KCNQ1: variants seen among roughly 807,000 people sequenced by gnomAD.
KCNQ1 encodes the protein potassium voltage-gated channel subfamily Q member 1, also known as potassium voltage-gated channel subfamily KQT member 1.
KCNQ1 carries 49 observed loss-of-function variants against 72.4 expected under a neutral mutation model. The ratio of observed to expected loss-of-function variants is 0.68; its 90% CI spans 0.54 to 0.86. The LOEUF (loss-of-function observed/expected upper bound fraction) is 0.86. KCNQ1 is among the 40% of genes least tolerant of loss of function. The probability of loss-of-function intolerance (pLI) is 0.00; values close to 1 mark genes in which losing one functional copy is unlikely to be tolerated. For missense variants in KCNQ1, 790 were observed against 945.1 expected (o/e 0.84, Z 2.15); for synonymous variants, 450 against 412.6 (o/e 1.09, Z -1.10).
At chr11:2,732,855 C>T (rs1253576884) in intron 11 of KCNQ1, among the ~76,000 whole-genome samples, 1 of 152,050 alleles carries the variant, frequency 6.6e-6, no homozygotes, top group Non-Finnish European at 1.5e-5. Flanking sequence ...CCTGCCCTGG[C>T]GGTCTCCCCT....
chr11:2,625,880 T>C (rs1044652825), intron 10 of KCNQ1: 2 of 398,562 alleles, frequency 5.0e-6, no homozygotes, highest in Non-Finnish European at 8.8e-6. Flanking sequence ...TTTTGCCCAT[T>C]TTTCAGGTGC....
Position 2,777,947 on chromosome 11 carries a change from C to A in KCNQ1, c.1733-29C>A, listed in dbSNP as rs761859600. On this transcript the variant is annotated intron_variant, in intron 14 of 15. Coordinates refer to ENST00000155840, the MANE Select transcript of KCNQ1 (RefSeq NM_000218.3). ...GTCCCCGGCCCACCCCAGCACTTGG[C>A]CCTGATTTGGGTGTTTTATCCCCCA... The A allele has an allele frequency of 1.1e-5, 18 of 1,611,664 alleles. No individual in the cohort carries two copies. In the South Asian group the frequency reaches 1.8e-4, roughly 16 times the overall value.
chr11:2,651,898 G>A lies in KCNQ1; in HGVS notation c.1394-10063G>A, dbSNP rs534485759. Reference sequence around the variant, plus strand: ...CAGGCTGAGGGGGTCATAGCCGAGGGTCCCTCTGGGGCCGCTTGCTCTCCT... The same window carrying A: ...CAGGCTGAGGGGGTCATAGCCGAGGATCCCTCTGGGGCCGCTTGCTCTCCT... On this transcript the variant is annotated intron_variant, in intron 10 of 15. Coordinates refer to ENST00000155840, the MANE Select transcript of KCNQ1 (RefSeq NM_000218.3). The surrounding 1 kb of genome is among the most constrained non-coding windows in gnomAD (Gnocchi z 6.1). 2 of 398,716 alleles carry A rather than the reference G, an allele frequency of 5.0e-6. No homozygotes were observed. Among genetic ancestry groups the A allele is most frequent in the African/African-American group, 4.1e-5 (2 of 48,740 alleles). The allele number at this position is 398,716 out of a possible 1,614,324, so 24.7% of individuals were successfully genotyped here. A position where few individuals can be genotyped will look rare whatever the true frequency, so the allele number is the denominator to read the frequency against.
At chr11:2,512,257 T>A (rs1847221619) in intron 1 of KCNQ1, among the ~76,000 whole-genome samples, 1 of 152,102 alleles carries the variant, frequency 6.6e-6, no homozygotes, top group Admixed American at 6.5e-5. Context: ...GCCCTACGGG[T>A]GCTGGAGCCG....
chr11:2,630,281 T>G (rs1041085838), intron 10 of KCNQ1: 9 of 398,178 alleles, frequency 2.3e-5, no homozygotes, highest in African/African-American at 1.6e-4. Context: ...TGATATATGA[T>G]TTTTTTAATG....
In KCNQ1 at chr11:2,458,295, C is replaced by G. The variant is rs1201550072; in HGVS notation, c.386+12811C>G. Among the ~76,000 whole-genome samples, 6 of 152,270 alleles carry G rather than the reference C, an allele frequency of 3.9e-5. No individual in the cohort carries two copies. The highest frequency in any genetic ancestry group is 3.3e-4 in the Admixed American group (5 of 15,298). ...GATACTGAGGGGCAAAACCAGTGGA[C>G]TTTGATTTGCATTTCTCTAAAGATC... On this transcript the variant is annotated intron_variant, in intron 1 of 15. Transcript: ENST00000155840. The surrounding 1 kb of genome is among the most constrained non-coding windows in gnomAD (Gnocchi z 4.6).
At position 2,687,224 on chromosome 11, in the gene KCNQ1, AT is replaced by A. The variant is rs1462292623; in HGVS notation, c.1514+25147del. 2.5e-6 allele frequency: 1 copy of A among 398,360 alleles called. No individual in the cohort carries two copies. The highest frequency in any genetic ancestry group is 2.1e-5 in the African/African-American group (1 of 48,566). The allele number at this position is 398,360 out of a possible 1,614,324, so 24.7% of individuals were successfully genotyped here. A position where few individuals can be genotyped will look rare whatever the true frequency, so the allele number is the denominator to read the frequency against. ...GCATCACACTGTTGGGAAATGTGCA[AT>A]TTTCACTCAGCCAGCATCACTACCA... On this transcript the variant is annotated intron_variant, in intron 11 of 15. Transcript: ENST00000155840. This position sits in a 1 kb window ranked among gnomAD's most constrained non-coding sequence, Gnocchi z 5.0.
rs908698382 is a variant in KCNQ1 at position 2,473,438 on chromosome 11, G to C, written c.386+27954G>C. On this transcript the variant is annotated intron_variant, in intron 1 of 15. Transcript: ENST00000155840. The surrounding 1 kb of genome is among the most constrained non-coding windows in gnomAD (Gnocchi z 6.0). Reference sequence around the variant, plus strand: ...GAGCTGGTGTTTGGAGATGTGAGGGGCTGGGCCCTCCCAGGTGAGCGGGTT... The same window carrying C: ...GAGCTGGTGTTTGGAGATGTGAGGGCCTGGGCCCTCCCAGGTGAGCGGGTT... 6.6e-5 allele frequency among the ~76,000 whole-genome samples: 10 copies of C among 152,030 alleles called. No homozygotes were observed. The highest frequency in any genetic ancestry group is 2.6e-4 in the Admixed American group (4 of 15,278).
At chr11:2,597,900 T>C (rs890911456) in intron 10 of KCNQ1, among the ~76,000 whole-genome samples, 2 of 152,222 alleles carry the variant, frequency 1.3e-5, no homozygotes, top group Non-Finnish European at 2.9e-5. Flanking sequence ...AGTGATTTTA[T>C]GGTCTTCTCT....
At chr11:2,838,360 A>G (rs1054370035) in intron 15 of KCNQ1, among the ~76,000 whole-genome samples, 4 of 152,098 alleles carry the variant, frequency 2.6e-5, no homozygotes, top group Admixed American at 6.5e-5. Context: ...GCCGGGAAGC[A>G]GGCTGCAGAG....
In KCNQ1 at chr11:2,653,573, G is replaced by T. The variant is rs1849791228; in HGVS notation, c.1394-8388G>T. On this transcript the variant is annotated intron_variant, in intron 10 of 15. Transcript: ENST00000155840. The surrounding 1 kb of genome is among the most constrained non-coding windows in gnomAD (Gnocchi z 5.3). ...CTTCTCCCTTCCCGTTCCCTCTTTTGTTCTCCCTTTCCCTTGCTCTCTATC... is the reference window on the plus strand; with the variant it reads ...CTTCTCCCTTCCCGTTCCCTCTTTTTTTCTCCCTTTCCCTTGCTCTCTATC... The T allele has an allele frequency of 7.5e-6, 3 of 398,510 alleles. No homozygotes were observed. Among genetic ancestry groups the T allele is most frequent in the African/African-American group, 2.1e-5 (1 of 48,568 alleles). 24.7% of individuals were successfully genotyped at this position (398,510 alleles called of 1,614,324 possible).
In KCNQ1 at chr11:2,484,118, T is replaced by C. The variant is rs148144681; in HGVS notation, c.386+38634T>C. On this transcript the variant is annotated intron_variant, in intron 1 of 15. Transcript: ENST00000155840. The surrounding 1 kb of genome is among the most constrained non-coding windows in gnomAD (Gnocchi z 5.2). ...ATCAGCATGGTTTCATAGATACTTC[T>C]TTTGTGTTATGGGCTATAAGCCAAT... Among the ~76,000 whole-genome samples, 2 of 152,348 alleles carry C rather than the reference T, an allele frequency of 1.3e-5. No homozygotes were observed. Among genetic ancestry groups the C allele is most frequent in the Non-Finnish European group, 2.9e-5 (2 of 68,038 alleles).
intron 2 of KCNQ1, among the ~76,000 whole-genome samples, chr11:2,561,196 G>A (rs1384780413): frequency 3.3e-5 from 4 of 120,518 alleles, no homozygotes; most frequent in African/African-American, 6.4e-5. Flanking sequence ...GCGAGACTCC[G>A]TCTCAAAAAA....
chr11:2,540,003 C>A lies in KCNQ1; in HGVS notation c.477+11985C>A, dbSNP rs766329910. Among the ~76,000 whole-genome samples, 4 of 152,268 alleles carry A rather than the reference C, an allele frequency of 2.6e-5. No homozygotes were observed. In the East Asian group the frequency reaches 7.7e-4, roughly 29 times the overall value. The stretch of plus-strand genomic sequence containing the variant: ...AACGGGACGGGCTGAGCAGGCCGGG[C>A]GCAGGCAGGCTTGGGGGAGCTGGCA... On this transcript the variant is annotated intron_variant, in intron 2 of 15. Coordinates refer to ENST00000155840, the MANE Select transcript of KCNQ1 (RefSeq NM_000218.3).
chr11:2,688,335 T>C (rs1425942305), intron 11 of KCNQ1: 1 of 398,624 alleles, frequency 2.5e-6, no homozygotes, highest in African/African-American at 2.1e-5. Context: ...ACAGCTTCCA[T>C]GGGGGTCTTC....
chr11:2,528,214 G>A (rs886226550), intron 2 of KCNQ1, among the ~76,000 whole-genome samples, 196 bp downstream of exon 2: 3 of 152,186 alleles, frequency 2.0e-5, no homozygotes, highest in South Asian at 2.1e-4. Flanking sequence ...TGCCACAGGC[G>A]AGGGGGACCA....
chr11:2,758,037 G>A (rs1316298417), intron 11 of KCNQ1, among the ~76,000 whole-genome samples: 1 of 152,182 alleles, frequency 6.6e-6, no homozygotes, highest in East Asian at 1.9e-4. Context: ...CTAAAAGCAT[G>A]ATCTGTTTAA....
intron 2 of KCNQ1, among the ~76,000 whole-genome samples, chr11:2,545,359 C>T (rs891196157): frequency 1.3e-5 from 2 of 152,112 alleles, no homozygotes; most frequent in Non-Finnish European, 2.9e-5. Context: ...TATTTCTTCC[C>T]TCTGTGTTTG....
chr11:2,551,195 T>C (rs910865368), intron 2 of KCNQ1, among the ~76,000 whole-genome samples: 12 of 152,178 alleles, frequency 7.9e-5, no homozygotes, highest in African/African-American at 2.7e-4. Context: ...ACATTTATGG[T>C]CCTGTAACCA....
Sources: gnomAD v4.1 joint callset for allele counts (sites outside exome capture counted in the v4.1 genomes callset) on GRCh38, gnomAD v4.1.1 for gene constraint, Gnocchi (gnomAD v3.1) non-coding constraint, MANE v1.5 for transcripts, NCBI Gene and HGNC (gene_info 2026-07-23, HGNC 2026-07-21) for gene names.